CRTAC1: variants seen among roughly 807,000 people sequenced by gnomAD.
CRTAC1 encodes cartilage acidic protein 1, also known as acidic secreted protein in cartilage.
CRTAC1 carries 37 observed loss-of-function variants against 67.8 expected under a neutral mutation model. The ratio of observed to expected loss-of-function variants is 0.55; its 90% CI spans 0.42 to 0.72. The LOEUF is 0.72. Among genes scored for constraint, CRTAC1 ranks in the 30% least tolerant of loss-of-function variants. CRTAC1 has a pLI of 0.00. For missense variants in CRTAC1, 780 were observed against 931.6 expected, an observed-to-expected ratio of 0.84 and a Z score of 2.12; for synonymous variants, 348 against 371.0, an observed-to-expected ratio of 0.94 and a Z score of 0.71.
At chr10:97,884,932 CT>C (rs2050260543) in intron 11 of CRTAC1, among the ~76,000 whole-genome samples, 2 of 152,220 alleles carry the variant, frequency 1.3e-5, no homozygotes, top group Admixed American at 1.3e-4. Flanking sequence ...AGCTAACTGG[CT>C]TTGTTATCCC....
intron 2 of CRTAC1, among the ~76,000 whole-genome samples, chr10:97,999,670 C>T (rs760094850): frequency 3.9e-5 from 6 of 152,330 alleles, no homozygotes; most frequent in South Asian, 2.1e-4. Flanking sequence ...GAGGGCCTGA[C>T]GGCTGGGTTT....
chr10:98,017,685 C>T (rs1843025960), intron 1 of CRTAC1, among the ~76,000 whole-genome samples: 1 of 150,828 alleles, frequency 6.6e-6, no homozygotes, highest in South Asian at 2.1e-4. Flanking sequence ...CAGTGGGGTG[C>T]TAACACTCCT....
intron 3 of CRTAC1, among the ~76,000 whole-genome samples, chr10:97,927,712 AGCCCTTCT>A (rs1326237548): frequency 3.9e-5 from 6 of 152,264 alleles, no homozygotes; most frequent in Admixed American, 3.9e-4. Flanking sequence ...AATCAATGGC[AGCCCTTCT>A]GCAGGCAGAG....
intron 2 of CRTAC1, among the ~76,000 whole-genome samples, chr10:97,999,025 T>C (rs1442450446): frequency 2.6e-5 from 4 of 152,242 alleles, no homozygotes; most frequent in Non-Finnish European, 5.9e-5. Context: ...AACCTTCTGA[T>C]GATGGCAGAG....
At chr10:97,968,785 T>C (rs1194659924) in intron 2 of CRTAC1, among the ~76,000 whole-genome samples, 2 of 152,188 alleles carry the variant, frequency 1.3e-5, no homozygotes, top group African/African-American at 2.4e-5. Flanking sequence ...GAAAAGACCA[T>C]GAATCACCTC....
At chr10:97,960,783 C>T (rs1310953531) in intron 2 of CRTAC1, among the ~76,000 whole-genome samples, 3 of 152,196 alleles carry the variant, frequency 2.0e-5, no homozygotes, top group African/African-American at 7.2e-5. Context: ...TTAACTGCTT[C>T]GCTAAAACAA....
At chr10:97,872,525 T>G (rs1306480128) in intron 14 of CRTAC1, among the ~76,000 whole-genome samples, 1 of 152,182 alleles carries the variant, frequency 6.6e-6, no homozygotes, top group Non-Finnish European at 1.5e-5. Context: ...AACACCATTT[T>G]GAGGTGGGGA....
chr10:97,937,350 G>A (rs972578762), intron 2 of CRTAC1, among the ~76,000 whole-genome samples: 1 of 151,876 alleles, frequency 6.6e-6, no homozygotes, highest in African/African-American at 2.4e-5. Context: ...GCCTGCCCAT[G>A]CTCCCAAAAT....
chr10:97,960,355 A>G (rs551454886), intron 2 of CRTAC1, among the ~76,000 whole-genome samples: 3 of 152,366 alleles, frequency 2.0e-5, no homozygotes, highest in South Asian at 4.1e-4. Flanking sequence ...AGACCATCAT[A>G]TAAACACCAG....
chr10:97,947,360 A>G (rs1171166940), intron 2 of CRTAC1, among the ~76,000 whole-genome samples: 1 of 152,232 alleles, frequency 6.6e-6, no homozygotes, highest in African/African-American at 2.4e-5. Context: ...TTGTTGGGGT[A>G]AAAGTTTTAA....
chr10:97,955,380 C>T (rs544941113), intron 2 of CRTAC1, among the ~76,000 whole-genome samples: 1 of 152,296 alleles, frequency 6.6e-6, no homozygotes, highest in African/African-American at 2.4e-5. Context: ...CTTTTTGTTT[C>T]AAAGGGTTAC....
At chr10:97,962,482 G>A (rs1272729337) in intron 2 of CRTAC1, among the ~76,000 whole-genome samples, 1 of 152,218 alleles carries the variant, frequency 6.6e-6, no homozygotes, top group Non-Finnish European at 1.5e-5. Context: ...TTAGGCTACT[G>A]ATTGTTGTTT....
At position 98,029,505 on chromosome 10, in the gene CRTAC1, C is replaced by T. The variant is rs1174762867; in HGVS notation, c.24+944G>A. On this transcript the variant is annotated intron_variant, in intron 1 of 14. Coordinates refer to ENST00000370597, the MANE Select transcript of CRTAC1 (RefSeq NM_018058.7). This position sits in a 1 kb window ranked among gnomAD's most constrained non-coding sequence, Gnocchi z 4.7. ...CCAGCAGCAGCAGCGGCGGCGGCGGCGGCGGCGGCGGCGGCGGCGGCGGCA... is the reference window on the plus strand; with the variant it reads ...CCAGCAGCAGCAGCGGCGGCGGCGGTGGCGGCGGCGGCGGCGGCGGCGGCA... Among the ~76,000 whole-genome samples, 1 of 147,098 alleles carries T rather than the reference C, an allele frequency of 6.8e-6. No homozygotes were observed. The highest frequency in any genetic ancestry group is 6.6e-5 in the Admixed American group (1 of 15,060).
intron 5 of CRTAC1, among the ~76,000 whole-genome samples, chr10:97,916,166 C>T (rs12358317): frequency 1.6e-3 from 238 of 151,486 alleles, no homozygotes; most frequent in South Asian, 3.6e-3. Flanking sequence ...CAGTGCACCC[C>T]CCTTCCCTTG....
Position 98,011,352 on chromosome 10 carries a change from G to A in CRTAC1, c.25-15C>T, listed in dbSNP as rs1842905261. 6.2e-7 allele frequency: 1 copy of A among 1,613,024 alleles called. No individual in the cohort carries two copies. The highest frequency in any genetic ancestry group is 1.9e-4 in the Middle Eastern group (1 of 5,336). On this transcript the variant is annotated splice_polypyrimidine_tract_variant and intron_variant, in intron 1 of 14. Transcript: ENST00000370597. ...ATCCTGGACATCTGAAACCAAAAGT[G>A]ACAAATGTTACCGAAAGAACCTGTA...
chr10:98,013,039 AG>A (rs1842936555), intron 1 of CRTAC1, among the ~76,000 whole-genome samples: 1 of 152,144 alleles, frequency 6.6e-6, no homozygotes, highest in Non-Finnish European at 1.5e-5. Context: ...GGGATGGGGG[AG>A]GAAATGGGAA....
At chr10:97,934,966 T>TGG (rs952028837) in intron 3 of CRTAC1, among the ~76,000 whole-genome samples, 3 of 20,698 alleles carry the variant, frequency 1.4e-4, no homozygotes, top group Non-Finnish European at 2.9e-4. Context: ...GGGGCGTGGG[T>TGG]GGGGGGGAGC....
In CRTAC1 at chr10:98,030,126, C is replaced by T. The variant is rs371626740; in HGVS notation, c.24+323G>A. 1.3e-5 allele frequency among the ~76,000 whole-genome samples: 2 copies of T among 152,148 alleles called. No homozygotes were observed. The highest frequency in any genetic ancestry group is 2.9e-5 in the Non-Finnish European group (2 of 68,018). ...GCCCCCTCCAGGCCCCAGAGGCCCC[C>T]TCCCCTGACAGCTGACCTCCAGTGC... On this transcript the variant is annotated intron_variant, in intron 1 of 14. Coordinates refer to ENST00000370597, the MANE Select transcript of CRTAC1 (RefSeq NM_018058.7). This position sits in a 1 kb window ranked among gnomAD's most constrained non-coding sequence, Gnocchi z 4.2.
intron 2 of CRTAC1, among the ~76,000 whole-genome samples, chr10:97,946,566 G>A (rs2051267841): frequency 6.6e-6 from 1 of 152,192 alleles, no homozygotes; most frequent in Non-Finnish European, 1.5e-5. Flanking sequence ...CCTGTGGTTG[G>A]TAGCTTTCAA....
Sources: allele counts gnomAD v4.1 joint callset (sites outside exome capture counted in the v4.1 genomes callset), GRCh38; gene constraint gnomAD v4.1.1; non-coding constraint Gnocchi (gnomAD v3.1); transcripts MANE v1.5; gene names NCBI Gene and HGNC (gene_info 2026-07-23, HGNC 2026-07-21).